Variants in RANBP2 observed in about 807,000 individuals in gnomAD.
RANBP2 encodes RAN binding protein 2.
In RANBP2, 57 loss-of-function variants were observed where a neutral mutation model predicts 303.6. The ratio of observed to expected loss-of-function variants is 0.19; its 90% CI spans 0.15 to 0.23. The LOEUF is 0.23. Among genes scored for constraint, RANBP2 ranks in the 10% least tolerant of loss-of-function variants. The pLI, the probability that RANBP2 is intolerant of heterozygous loss-of-function variation, is 1.00. For missense variants in RANBP2, 3,138 were observed against 3,780.8 expected (o/e 0.83, Z 4.46); for synonymous variants, 1,167 against 1,301.5 (o/e 0.90, Z 2.23).
the RANBP2 span, among the ~76,000 whole-genome samples, chr2:109,631,936 T>C: frequency 1.3e-5 from 2 of 152,018 alleles, no homozygotes; most frequent in Non-Finnish European, 2.9e-5. Flanking sequence ...AGATGGGGGC[T>C]GGTTACCAAA....
the RANBP2 span, among the ~76,000 whole-genome samples, chr2:108,992,765 C>A: frequency 6.6e-6 from 1 of 152,290 alleles, no homozygotes; most frequent in Admixed American, 6.5e-5. Flanking sequence ...GTAGAGTTTG[C>A]AGCTTCAAAT....
the RANBP2 span, among the ~76,000 whole-genome samples, chr2:109,213,774 C>T: frequency 6.6e-6 from 1 of 152,156 alleles, no homozygotes; most frequent in African/African-American, 2.4e-5. Flanking sequence ...GTGACGTGGT[C>T]TCACTGTGGT....
the RANBP2 span, among the ~76,000 whole-genome samples, chr2:109,387,652 C>T: frequency 5.9e-5 from 9 of 152,248 alleles, no homozygotes; most frequent in Middle Eastern, 3.2e-3. Context: ...AGCCCCTCAG[C>T]ATATCCTCCT....
chr2:109,133,990 G>A, the RANBP2 span, among the ~76,000 whole-genome samples: 2 of 152,124 alleles, frequency 1.3e-5, no homozygotes, highest in African/African-American at 4.8e-5. Context: ...TGGAGGCCAG[G>A]ATAGAGGGTG....
In RANBP2 at chr2:108,766,274, G is replaced by C; in HGVS notation, c.5735G>C (p.Ser1912Thr). The change falls in exon 20 of 29, where the codon AGT becomes ACT. Residue 1912 changes from serine to threonine, a missense_variant. Transcript: ENST00000283195. Reference sequence around the variant, plus strand: ...GAACCAGGAAATCAAGAAAAGAAAAGTGAAAAGCCTCTTGAAAATGGTACT... The same window carrying C: ...GAACCAGGAAATCAAGAAAAGAAAACTGAAAAGCCTCTTGAAAATGGTACT... ...ISEPGNQEKKSEKPLENGTGF... is the reference protein window; with the variant it reads ...ISEPGNQEKKTEKPLENGTGF... 3 of 1,612,156 alleles carry C rather than the reference G, an allele frequency of 1.9e-6. No individual in the cohort carries two copies. The highest frequency in any genetic ancestry group is 2.5e-6 in the Non-Finnish European group (3 of 1,180,002).
chr2:108,971,446 G>A, the RANBP2 span, among the ~76,000 whole-genome samples: 1 of 151,842 alleles, frequency 6.6e-6, no homozygotes, highest in South Asian at 2.1e-4. Flanking sequence ...ACTCCAGAAG[G>A]AGGACTCTCA....
chr2:109,473,936 C>T, the RANBP2 span, among the ~76,000 whole-genome samples: 22 of 152,274 alleles, frequency 1.4e-4, no homozygotes, highest in East Asian at 2.1e-3. Flanking sequence ...GGTAATGCTG[C>T]CCTCCCACAG....
chr2:109,626,622 T>TG, the RANBP2 span, among the ~76,000 whole-genome samples: 2 of 152,268 alleles, frequency 1.3e-5, no homozygotes, highest in Admixed American at 1.3e-4. Context: ...GAGGTAAGGC[T>TG]GCTGTGCAGA....
the RANBP2 span, among the ~76,000 whole-genome samples, chr2:109,452,048 A>T: frequency 6.6e-6 from 1 of 152,234 alleles, no homozygotes; most frequent in South Asian, 2.1e-4. Flanking sequence ...AAAGACAAGC[A>T]CTGGTCTACA....
the RANBP2 span, among the ~76,000 whole-genome samples, chr2:109,293,819 G>A: frequency 6.6e-6 from 1 of 152,192 alleles, no homozygotes; most frequent in South Asian, 2.1e-4. Context: ...ATCAGGAGTC[G>A]GGAATGCTGG....
the RANBP2 span, chr2:109,614,811 G>A: frequency 2.8e-6 from 4 of 1,452,590 alleles, no homozygotes; most frequent in African/African-American, 4.5e-5. Context: ...GGCCCCCGAC[G>A]GCCCTGCCGG....
the RANBP2 span, among the ~76,000 whole-genome samples, chr2:109,706,744 C>CGAAT: frequency 6.6e-6 from 1 of 152,182 alleles, no homozygotes; most frequent in Non-Finnish European, 1.5e-5. Flanking sequence ...GTCTGATAAG[C>CGAAT]GAATGAATGA....
the RANBP2 span, among the ~76,000 whole-genome samples, chr2:109,391,717 T>C: frequency 6.6e-6 from 1 of 152,198 alleles, no homozygotes; most frequent in Non-Finnish European, 1.5e-5. Context: ...CCACTACTTC[T>C]GTGAATAAAG....
the RANBP2 span, among the ~76,000 whole-genome samples, chr2:109,629,955 A>G: frequency 1.3e-5 from 2 of 152,308 alleles, no homozygotes; most frequent in Non-Finnish European, 2.9e-5. Context: ...ACAGTGAGCT[A>G]GATGTCCCAG....
the RANBP2 span, among the ~76,000 whole-genome samples, chr2:109,480,991 A>G: frequency 2.6e-5 from 4 of 152,326 alleles, no homozygotes; most frequent in East Asian, 5.8e-4. Context: ...GGAAGGGAGA[A>G]CTGAAGAGCC....
At chr2:108,951,304 G>T in the RANBP2 span, among the ~76,000 whole-genome samples, 1,192 of 152,204 alleles carry the variant, frequency 7.8e-3, 9 homozygotes, top group South Asian at 0.029. Flanking sequence ...TACTGTACAG[G>T]TATTGAAGAA....
chr2:109,565,692 A>G, the RANBP2 span: 96 of 1,284,418 alleles, frequency 7.5e-5, no homozygotes, highest in Admixed American at 5.0e-4. Flanking sequence ...ATCACCCCAA[A>G]GAAGGCATGA....
the RANBP2 span, among the ~76,000 whole-genome samples, chr2:109,111,783 TC>T: frequency 3.5e-5 from 2 of 57,878 alleles, no homozygotes; most frequent in South Asian, 7.1e-4. Context: ...CCCTCCCCCC[TC>T]CCCCCATCCC....
the RANBP2 span, among the ~76,000 whole-genome samples, chr2:109,231,747 A>G: frequency 6.6e-6 from 1 of 152,184 alleles, no homozygotes; most frequent in Non-Finnish European, 1.5e-5. Context: ...ACTACAGAGC[A>G]TTTGGGATTT....
Sources: allele counts gnomAD v4.1 joint callset (sites outside exome capture counted in the v4.1 genomes callset), GRCh38; gene constraint gnomAD v4.1.1; transcripts MANE v1.5; gene names NCBI Gene and HGNC (gene_info 2026-07-23, HGNC 2026-07-21).